IQSEC3: variants seen among roughly 807,000 people sequenced by gnomAD.
IQSEC3 encodes the protein IQ motif and SEC7 domain-containing protein 3.
IQSEC3 carries 50 observed loss-of-function variants against 105.4 expected under a neutral mutation model. That is an observed-to-expected ratio of 0.47 (90% CI 0.38 to 0.60). The LOEUF (loss-of-function observed/expected upper bound fraction) is 0.60, where lower values mean the gene tolerates loss of function less well. Among genes scored for constraint, IQSEC3 ranks in the 20% least tolerant of loss-of-function variants. The pLI is 0.00. For synonymous variants in IQSEC3, 708 were observed against 746.0 expected (o/e 0.95, Z 0.83); for missense variants, 1,415 against 1,630.0 (o/e 0.87, Z 2.27).
intron 13 of IQSEC3, among the ~76,000 whole-genome samples, chr12:171,894 G>A (rs1939018152): frequency 6.6e-6 from 1 of 152,110 alleles, no homozygotes; most frequent in Non-Finnish European, 1.5e-5. Context: ...GTGAGGGACT[G>A]CAGAAGACCC....
intron 2 of IQSEC3, among the ~76,000 whole-genome samples, chr12:101,701 TTGTC>T (rs782544365): frequency 5.9e-5 from 9 of 152,120 alleles, no homozygotes; most frequent in East Asian, 3.9e-4. Flanking sequence ...GAGCCTGTTT[TTGTC>T]TGTCTGTCTG....
At chr12:107,463 G>A (rs1864700630) in intron 2 of IQSEC3, among the ~76,000 whole-genome samples, 2 of 133,440 alleles carry the variant, frequency 1.5e-5, no homozygotes, top group African/African-American at 2.8e-5. Context: ...AGGCTGGGGT[G>A]CAGTGGCACA....
At chr12:72,352 G>A (rs1157791701) in intron 1 of IQSEC3, among the ~76,000 whole-genome samples, 2 of 149,918 alleles carry the variant, frequency 1.3e-5, no homozygotes, top group African/African-American at 4.9e-5. Flanking sequence ...GGGAAGGGCT[G>A]GGACAAACAT....
chr12:108,170 T>TG (rs1194264072), intron 2 of IQSEC3, among the ~76,000 whole-genome samples: 1 of 152,256 alleles, frequency 6.6e-6, no homozygotes, highest in African/African-American at 2.4e-5. Flanking sequence ...ACATGAACTA[T>TG]GGCTACCTCT....
At position 175,395 on chromosome 12, in the gene IQSEC3, C is replaced by T. The variant is rs1442823244; in HGVS notation, c.*362C>T. On this transcript the variant is annotated 3_prime_UTR_variant, in exon 14 of 14. Transcript: ENST00000538872. ...CTTTGAGTCTGTTAGTGCCCGGGGC[C>T]TCGGGCCTTGGGCAGCAGCATGAGG... 4.4e-6 allele frequency: 1 copy of T among 226,226 alleles called. No individual in the cohort carries two copies. The highest frequency in any genetic ancestry group is 8.6e-6 in the Non-Finnish European group (1 of 116,470). The allele number at this position is 226,226 out of a possible 1,614,324, so 14.0% of individuals were successfully genotyped here.
At chr12:86,546 C>A (rs573661976) in intron 1 of IQSEC3, among the ~76,000 whole-genome samples, 1 of 152,242 alleles carries the variant, frequency 6.6e-6, no homozygotes, top group Admixed American at 6.5e-5. Flanking sequence ...GAGATAGATG[C>A]TGTCCATATC....
At chr12:171,564 C>T (rs1260846621) in intron 13 of IQSEC3, 5 of 585,838 alleles carry the variant, frequency 8.5e-6, no homozygotes, top group African/African-American at 5.6e-5. Context: ...CAAGTCCTCC[C>T]ACCATCCATA....
chr12:149,762 C>G (rs2137026244), intron 5 of IQSEC3, among the ~76,000 whole-genome samples: 2 of 152,298 alleles, frequency 1.3e-5, no homozygotes, highest in Admixed American at 1.3e-4. Flanking sequence ...GAGAGCTAAA[C>G]AGAGACCTGC....
Position 165,798 on chromosome 12 carries a change from G to T in IQSEC3, c.2879G>T (p.Cys960Phe). Reference sequence around the variant, plus strand: ...GAGAAGAAGCAGGTGCTGCATTTCTGTGCCCTGGGCTCGGACGAGATGCAG... The same window carrying T: ...GAGAAGAAGCAGGTGCTGCATTTCTTTGCCCTGGGCTCGGACGAGATGCAG... ...GSEKKQVLHF[C>F]ALGSDEMQKF... The change falls in exon 11 of 14, where the codon TGT (cysteine) becomes TTT (phenylalanine). Residue 960 changes from cysteine (C) to phenylalanine (F), a missense_variant. Around this residue, in one of 6 missense-constraint regions of IQSEC3, gnomAD observed 419 missense variants for 436.2 expected, o/e 0.96. Transcript: ENST00000538872. 6.2e-7 allele frequency: 1 copy of T among 1,614,054 alleles called. No individual in the cohort carries two copies. The highest frequency in any genetic ancestry group is 1.1e-5 in the South Asian group (1 of 91,082).
chr12:164,218 C>G (rs1565448162), intron 9 of IQSEC3, among the ~76,000 whole-genome samples: 1 of 152,208 alleles, frequency 6.6e-6, no homozygotes, highest in African/African-American at 2.4e-5. Flanking sequence ...CCTCTCTATC[C>G]ATGAGCCACG....
intron 8 of IQSEC3, 94 bp downstream of exon 8, chr12:162,159 T>C: frequency 4.3e-6 from 6 of 1,379,914 alleles, no homozygotes; most frequent in Non-Finnish European, 6.0e-6. Flanking sequence ...CCAAAACTCT[T>C]TTTTCATATT....
intron 1 of IQSEC3, among the ~76,000 whole-genome samples, chr12:74,576 C>G: frequency 6.6e-6 from 1 of 152,250 alleles, no homozygotes; most frequent in East Asian, 1.9e-4. Context: ...CTGAGCGGCA[C>G]CTTTCCTCCC....
intron 3 of IQSEC3, among the ~76,000 whole-genome samples, chr12:137,886 A>G (rs1555086896): frequency 1.3e-5 from 2 of 150,884 alleles, no homozygotes; most frequent in Non-Finnish European, 3.0e-5. Context: ...CTGGTCGCAA[A>G]CTCCTGAGCT....
intron 5 of IQSEC3, among the ~76,000 whole-genome samples, chr12:155,448 G>A (rs929089707): frequency 2.0e-5 from 3 of 152,182 alleles, no homozygotes; most frequent in African/African-American, 7.2e-5. Context: ...GGAAAGAGGA[G>A]GAGAGACTCC....
intron 7 of IQSEC3, among the ~76,000 whole-genome samples, chr12:161,058 A>C: frequency 6.6e-6 from 1 of 152,110 alleles, no homozygotes; most frequent in South Asian, 2.1e-4. Context: ...CATTTGCCTG[A>C]CTTCGAGAAC....
intron 2 of IQSEC3, among the ~76,000 whole-genome samples, chr12:102,129 G>A (rs1215480453): frequency 0.011 from 930 of 83,814 alleles, 12 homozygotes; most frequent in African/African-American, 0.041. Context: ...CTCCTCCCCC[G>A]TCAGTCTGGC....
At chr12:172,308 G>A (rs1432083858) in intron 13 of IQSEC3, among the ~76,000 whole-genome samples, 4 of 149,602 alleles carry the variant, frequency 2.7e-5, no homozygotes, top group Non-Finnish European at 5.9e-5. Context: ...CAAGCCCCCA[G>A]GGTGGGTATT....
rs547194479 is a variant in IQSEC3 at position 165,530 on chromosome 12, GAGTGTAAGTCTTTGACAGCC to G, written c.2809+13_2809+32del. 4.4e-6 allele frequency: 7 copies of G among 1,608,456 alleles called. No homozygotes were observed. The highest frequency in any genetic ancestry group is 1.7e-4 in the Middle Eastern group (1 of 6,050). ...CATGCAGTTCCAGCTCTTTGAGAAC[GAGTGTAAGTCTTTGACAGCC>G]AGTGTAAGTCTTTGAGAAGGAATGA... is the stretch of plus-strand genomic sequence containing the variant. On this transcript the variant is annotated splice_donor_variant and splice_donor_5th_base_variant and coding_sequence_variant and intron_variant, in exon 10 of 14. Transcript: ENST00000538872. LOFTEE classifies it high-confidence loss of function.
chr12:106,360 T>C (rs1036308732), intron 2 of IQSEC3, among the ~76,000 whole-genome samples: 3 of 152,234 alleles, frequency 2.0e-5, no homozygotes, highest in Non-Finnish European at 4.4e-5. Flanking sequence ...CTGCTTCCCA[T>C]GTCCCCAGCC....
Sources: allele counts gnomAD v4.1 joint callset (sites outside exome capture counted in the v4.1 genomes callset), GRCh38; gene constraint gnomAD v4.1.1; regional missense constraint gnomAD v4.1.1; transcripts MANE v1.5; gene names NCBI Gene and HGNC (gene_info 2026-07-23, HGNC 2026-07-21).